Variants in VOPP1 observed in about 807,000 individuals in gnomAD.
VOPP1 encodes VOPP1 WW domain binding protein, also known as WW domain binding protein VOPP1.
A neutral mutation model predicts 23.5 loss-of-function variants in VOPP1; 8 were observed. That is an observed-to-expected ratio of 0.34 (90% CI 0.20 to 0.61). VOPP1 has a LOEUF of 0.61. Among genes scored for constraint, VOPP1 ranks in the 20% least tolerant of loss-of-function variants. The pLI, the probability that VOPP1 is intolerant of heterozygous loss-of-function variation, is 0.78. For missense variants in VOPP1, 174 were observed against 238.1 expected (o/e 0.73, Z 1.77); for synonymous variants, 83 against 97.3 (o/e 0.85, Z 0.86).
chr7:55,532,605 G>A (rs945178672), intron 1 of VOPP1, among the ~76,000 whole-genome samples: 2 of 152,298 alleles, frequency 1.3e-5, no homozygotes, highest in African/African-American at 2.4e-5. Flanking sequence ...ACAAAAAACA[G>A]AAGTTTAGAA....
rs1366527598 is a variant in VOPP1 at position 55,527,448 on chromosome 7, G to A, written c.55-6318C>T. On this transcript the variant is annotated intron_variant, in intron 1 of 4. Coordinates refer to ENST00000285279, the MANE Select transcript of VOPP1 (RefSeq NM_030796.5). The stretch of plus-strand genomic sequence containing the variant: ...AATTCACACACAGCCAGCAAATAAC[G>A]ATCAGAGATGAGATCCGGGGATGCA... Among the ~76,000 whole-genome samples, 4 of 152,156 alleles carry A rather than the reference G, an allele frequency of 2.6e-5. No homozygotes were observed. In the East Asian group the frequency reaches 5.8e-4, roughly 22 times the overall value.
intron 4 of VOPP1, among the ~76,000 whole-genome samples, chr7:55,482,607 G>A (rs1173000649): frequency 6.6e-6 from 1 of 151,630 alleles, no homozygotes; most frequent in Non-Finnish European, 1.5e-5. Flanking sequence ...CCAAAGTGCT[G>A]GGATTACAGG....
downstream of VOPP1, among the ~76,000 whole-genome samples, chr7:55,435,267 C>T (rs117320774): frequency 4.9e-4 from 75 of 152,274 alleles, 1 homozygote; most frequent in East Asian, 0.013. Context: ...CGCTTCAAAG[C>T]GGTGTGTGAC....
At position 55,442,611 on chromosome 7, in the gene VOPP1, C is replaced by T. The variant is rs77647083; in HGVS notation, n.418-6437G>A. On this transcript the variant is annotated intron_variant and non_coding_transcript_variant, in intron 4 of 4. Coordinates refer to the VOPP1 transcript ENST00000462326. ...GGCTCTCTGAAGACAAGCAGATGTGCGTACCTTCTAATGGAAATACACACC... is the reference window on the plus strand; with the variant it reads ...GGCTCTCTGAAGACAAGCAGATGTGTGTACCTTCTAATGGAAATACACACC... 2.8e-3 allele frequency among the ~76,000 whole-genome samples: 418 copies of T among 150,146 alleles called. 4 individuals are homozygous for T. The highest frequency in any genetic ancestry group is 9.6e-3 in the African/African-American group (390 of 40,728).
chr7:55,461,478 C>T (rs913612770), intron 4 of VOPP1, among the ~76,000 whole-genome samples: 2 of 152,164 alleles, frequency 1.3e-5, no homozygotes, highest in African/African-American at 4.8e-5. Flanking sequence ...GTGGCACAAT[C>T]TCAGCTCACT....
At chr7:55,464,417 A>T (rs1161272395) in intron 4 of VOPP1, among the ~76,000 whole-genome samples, 1 of 152,022 alleles carries the variant, frequency 6.6e-6, no homozygotes, top group African/African-American at 2.4e-5. Context: ...GTGCCTGGCA[A>T]ACCAGTTTCC....
rs576868734 is a variant in VOPP1 at position 55,492,397 on chromosome 7, C to A, written c.213G>T (p.Val71=). 3 of 1,610,916 alleles carry A rather than the reference C, an allele frequency of 1.9e-6. No homozygotes were observed. The highest frequency in any genetic ancestry group is 1.7e-6 in the Non-Finnish European group (2 of 1,178,540). The change falls in exon 4 of 5, where the codon GTG becomes GTT. Residue 71 remains valine, a synonymous_variant. Transcript: ENST00000285279. ...AGAAGCCGGCTCCGCAGCAGAAAAG[C>A]ACGCCCATCATCAGAAGGAACCTGA... ...WYFWFLLMMG[V]LFCCGAGFFI... is the part of the protein sequence containing the mutation.
chr7:55,538,648 C>G (rs557478360), intron 1 of VOPP1: 1 of 1,535,950 alleles, frequency 6.5e-7, no homozygotes, highest in Admixed American at 2.0e-5. Context: ...CCAAGAGTTT[C>G]GCTGAGCATT....
chr7:55,461,152 A>AT (rs1791490576), intron 4 of VOPP1, among the ~76,000 whole-genome samples: 1 of 152,130 alleles, frequency 6.6e-6, no homozygotes, highest in South Asian at 2.1e-4. Context: ...ACCAAACACC[A>AT]TATGTTCTCA....
intron 3 of VOPP1, among the ~76,000 whole-genome samples, chr7:55,494,909 G>A (rs1793844754): frequency 6.6e-6 from 1 of 152,194 alleles, no homozygotes; most frequent in Non-Finnish European, 1.5e-5. Flanking sequence ...CGGGCTGGCT[G>A]TTCCCTAGAT....
At chr7:55,484,261 C>G (rs907673270) in intron 4 of VOPP1, among the ~76,000 whole-genome samples, 1 of 152,180 alleles carries the variant, frequency 6.6e-6, no homozygotes, top group Non-Finnish European at 1.5e-5. Context: ...CTTTAGATTT[C>G]AAGAGGAGCT....
At chr7:55,512,842 G>A (rs953103952) in intron 2 of VOPP1, among the ~76,000 whole-genome samples, 3 of 152,238 alleles carry the variant, frequency 2.0e-5, no homozygotes, top group African/African-American at 4.8e-5. Context: ...GAGCCATAAA[G>A]GGCACCTGCT....
At chr7:55,497,499 C>T in intron 3 of VOPP1, 114 bp downstream of exon 3, 1 of 975,310 alleles carries the variant, frequency 1.0e-6, no homozygotes, top group Non-Finnish European at 1.6e-6. Context: ...CCAAGGCTGT[C>T]CTTGAGGCCA....
chr7:55,453,748 G>A (rs11547790), intron 4 of VOPP1, among the ~76,000 whole-genome samples: 2 of 152,148 alleles, frequency 1.3e-5, no homozygotes, highest in Non-Finnish European at 2.9e-5. Flanking sequence ...GAGATAAAAA[G>A]TGAGCACATG....
At chr7:55,543,231 A>G (rs753718487) in intron 1 of VOPP1, among the ~76,000 whole-genome samples, 41 of 152,254 alleles carry the variant, frequency 2.7e-4, no homozygotes, top group Non-Finnish European at 4.9e-4. Context: ...TTTATTCTTT[A>G]TTATGGCTTT....
rs563233116 is a variant in VOPP1, at chr7:55,490,612, C to T, written c.328+1670G>A. On this transcript the variant is annotated intron_variant, in intron 4 of 4. Coordinates refer to ENST00000285279, the MANE Select transcript of VOPP1 (RefSeq NM_030796.5). ...CATGCCAAGTGGGGCAGGGGCTGCT[C>T]CTCCCTGTACTAAAACCTCTCTGAC... Among the ~76,000 whole-genome samples, 8 of 152,262 alleles carry T rather than the reference C, an allele frequency of 5.3e-5. No individual in the cohort carries two copies. In the South Asian group the frequency reaches 1.7e-3, roughly 32 times the overall value.
At chr7:55,487,411 ATC>A in intron 4 of VOPP1, among the ~76,000 whole-genome samples, 1 of 152,102 alleles carries the variant, frequency 6.6e-6, no homozygotes, top group Non-Finnish European at 1.5e-5. Flanking sequence ...GTCCTCCGCA[ATC>A]TCTCTCTATG....
In VOPP1 at chr7:55,567,258, A is replaced by T. The variant is rs1584136068; in HGVS notation, c.54+5013T>A. ...CAACTAAGGATATGTCAATCAATAA[A>T]TCAGAGCAAAACCTTTGCCCCTAAA... On this transcript the variant is annotated intron_variant, in intron 1 of 4. Coordinates refer to ENST00000285279, the MANE Select transcript of VOPP1 (RefSeq NM_030796.5). 3.3e-5 allele frequency among the ~76,000 whole-genome samples: 5 copies of T among 152,368 alleles called. No individual in the cohort carries two copies. In the East Asian group the frequency reaches 9.6e-4, roughly 29 times the overall value.
intron 4 of VOPP1, among the ~76,000 whole-genome samples, chr7:55,479,919 C>A (rs183513304): frequency 3.4e-4 from 51 of 152,212 alleles, no homozygotes; most frequent in African/African-American, 1.2e-3. Context: ...ATTGTGCTGA[C>A]AGCCTCTTCA....
Sources: gnomAD v4.1 joint callset for allele counts (sites outside exome capture counted in the v4.1 genomes callset) on GRCh38, gnomAD v4.1.1 for gene constraint, MANE v1.5 for transcripts, NCBI Gene and HGNC (gene_info 2026-07-23, HGNC 2026-07-21) for gene names.